FOXK2: variants seen among roughly 807,000 people sequenced by gnomAD.
FOXK2 encodes forkhead box protein K2.
Under a neutral mutation model 53.3 loss-of-function variants are expected in FOXK2, and 24 were observed. The ratio of observed to expected loss-of-function variants is 0.45; its 90% confidence interval spans 0.33 to 0.63. FOXK2 has a LOEUF of 0.63. Ranked by LOEUF, FOXK2 falls within the 30% of genes least tolerant of loss-of-function variation. The pLI, the probability that FOXK2 is intolerant of heterozygous loss-of-function variation, is 0.03. For synonymous variants in FOXK2, 505 were observed against 407.1 expected (o/e 1.24, Z -2.89); for missense variants, 952 against 910.5 (o/e 1.05, Z -0.59).
intron 8 of FOXK2, among the ~76,000 whole-genome samples, chr17:82,595,525 A>G (rs2045301000): frequency 1.3e-5 from 2 of 151,770 alleles, no homozygotes; most frequent in Admixed American, 6.6e-5. Flanking sequence ...CTGGTCTCAA[A>G]CTCCTAGGTT....
intron 1 of FOXK2, among the ~76,000 whole-genome samples, chr17:82,529,037 A>C (rs1359434084): frequency 2.0e-5 from 3 of 152,088 alleles, no homozygotes; most frequent in Non-Finnish European, 2.9e-5. Flanking sequence ...CTTACAACGC[A>C]CAGGACGCAG....
At chr17:82,551,421 A>G (rs998924018) in intron 1 of FOXK2, among the ~76,000 whole-genome samples, 11 of 152,134 alleles carry the variant, frequency 7.2e-5, no homozygotes, top group Admixed American at 2.0e-4. Context: ...CATGCCTGCA[A>G]TCCCAGCACT....
chr17:82,524,269 A>AC (rs2044396068), intron 1 of FOXK2, among the ~76,000 whole-genome samples: 1 of 152,236 alleles, frequency 6.6e-6, no homozygotes, highest in Admixed American at 6.5e-5. Context: ...AAATAATGTA[A>AC]CAACCCGTCG....
intron 1 of FOXK2, among the ~76,000 whole-genome samples, chr17:82,544,828 C>T (rs562763517): frequency 1.3e-5 from 2 of 152,176 alleles, no homozygotes; most frequent in Non-Finnish European, 2.9e-5. Flanking sequence ...GACCTGGCTT[C>T]CGTCCAGCTC....
chr17:82,541,622 CAG>C (rs2044575336), intron 1 of FOXK2, among the ~76,000 whole-genome samples: 1 of 151,976 alleles, frequency 6.6e-6, no homozygotes, highest in Non-Finnish European at 1.5e-5. Flanking sequence ...GTGTGACAAT[CAG>C]ATATGACACT....
In FOXK2 at chr17:82,582,838, C is replaced by T; in HGVS notation, c.1007C>T (p.Pro336Leu). The T allele has an allele frequency of 6.2e-7, 1 of 1,613,576 alleles. No individual in the cohort carries two copies. Among genetic ancestry groups the T allele is most frequent in the Non-Finnish European group, 8.5e-7 (1 of 1,179,920 alleles). ...PGKGSFWRID[P>L]ASESKLIEQA... The stretch of plus-strand genomic sequence containing the variant: ...AAAGGCTCGTTCTGGAGGATAGACC[C>T]AGCCTCTGAAAGCAAATTAATAGAA... Residue 336 changes from proline to leucine, a missense_variant, in exon 5 of 9, where the codon CCA (proline) becomes CTA (leucine). Coordinates refer to ENST00000335255, the MANE Select transcript of FOXK2 (RefSeq NM_004514.4).
rs1555642282 is a variant in FOXK2 at position 82,586,206 on chromosome 17, C to CGG, written c.1576+7_1576+8dup. 4.7e-6 allele frequency: 7 copies of CGG among 1,493,920 alleles called. No homozygotes were observed. The African/African-American group carries it at 6.9e-5, about 15-fold the overall frequency. 92.5% of individuals were successfully genotyped at this position (1,493,920 alleles called of 1,614,324 possible). A position where few individuals can be genotyped will look rare whatever the true frequency, so the allele number is the denominator to read the frequency against. On this transcript the variant is annotated splice_region_variant and intron_variant, in intron 7 of 8. Coordinates refer to ENST00000335255, the MANE Select transcript of FOXK2 (RefSeq NM_004514.4). ...AGACCACAGGGAAGTCAAAGGTAGGCGGAGGGGAAAGGAGGAGAGGGGAGA... is the reference window on the plus strand; with the variant it reads ...AGACCACAGGGAAGTCAAAGGTAGGCGGGGAGGGGAAAGGAGGAGAGGGGAGA...
At chr17:82,520,439 C>T (rs1214119203) in intron 1 of FOXK2, 132 bp downstream of exon 1, 5 of 784,396 alleles carry the variant, frequency 6.4e-6, no homozygotes, top group Admixed American at 4.5e-5. Context: ...GGACCACCAG[C>T]GGGACCCAGG....
rs868828515 is a variant in FOXK2, at chr17:82,561,909, G to A, written c.420-1445G>A. Among the ~76,000 whole-genome samples the A allele has an allele frequency of 6.3e-3, 870 of 138,414 alleles. 9 individuals carry two copies. The highest frequency in any genetic ancestry group is 0.021 in the African/African-American group (831 of 40,446). The allele number at this position is 138,414 out of a possible 152,430, so 90.8% of individuals were successfully genotyped here. ...GTGGACAGAGTCTTCCTCTGTTGGGGGGGGGGGGTGCCCGCACTGGGCGCA... is the reference window on the plus strand; with the variant it reads ...GTGGACAGAGTCTTCCTCTGTTGGGAGGGGGGGGTGCCCGCACTGGGCGCA... On this transcript the variant is annotated intron_variant, in intron 1 of 8. Coordinates refer to ENST00000335255, the MANE Select transcript of FOXK2 (RefSeq NM_004514.4).
chr17:82,565,983 A>G (rs1257332901), intron 2 of FOXK2, among the ~76,000 whole-genome samples: 2 of 151,260 alleles, frequency 1.3e-5, no homozygotes, highest in African/African-American at 4.8e-5. Flanking sequence ...CGTTATGCTC[A>G]GTGAAATAAG....
chr17:82,569,889 G>A (rs1458060178), intron 3 of FOXK2, among the ~76,000 whole-genome samples: 3 of 150,944 alleles, frequency 2.0e-5, no homozygotes, highest in Admixed American at 6.7e-5. Context: ...AATTAGGTAT[G>A]TGGAGGGTCT....
intron 1 of FOXK2, among the ~76,000 whole-genome samples, chr17:82,557,766 A>C (rs2044747470): frequency 1.3e-5 from 2 of 152,326 alleles, no homozygotes; most frequent in East Asian, 3.9e-4. Context: ...CTCCTGCCTC[A>C]GCCTCTGAGT....
intron 8 of FOXK2, chr17:82,596,140 G>A: frequency 9.9e-7 from 1 of 1,010,354 alleles, no homozygotes; most frequent in Non-Finnish European, 1.2e-6. Context: ...GCGATTGCAG[G>A]GAGGAGCATC....
chr17:82,576,599 TG>T, intron 4 of FOXK2: 1 of 968,890 alleles, frequency 1.0e-6, no homozygotes, highest in Non-Finnish European at 1.6e-6. Flanking sequence ...ATTCATTGGC[TG>T]GAGGGAGGAC....
At chr17:82,571,958 A>G in intron 4 of FOXK2, 88 bp downstream of exon 4, 3 of 1,338,140 alleles carry the variant, frequency 2.2e-6, no homozygotes, top group Non-Finnish European at 2.0e-6. Context: ...CAGGCACAGG[A>G]TAGGAAGGTA....
rs916847073 is a variant in FOXK2, at chr17:82,562,965, C to T, written c.420-389C>T. ...GGACCACAGGCATGCACCACCACGC[C>T]TGGCTAATTTTTTGTAGTCTTTGTA... On this transcript the variant is annotated intron_variant, in intron 1 of 8. Coordinates refer to ENST00000335255, the MANE Select transcript of FOXK2 (RefSeq NM_004514.4). 3.9e-5 allele frequency among the ~76,000 whole-genome samples: 6 copies of T among 152,198 alleles called. No individual in the cohort carries two copies. In the East Asian group the frequency reaches 9.7e-4, roughly 25 times the overall value.
At chr17:82,522,041 C>CTT (rs924582731) in intron 1 of FOXK2, among the ~76,000 whole-genome samples, 17,278 of 107,060 alleles carry the variant, frequency 0.16, 1,863 homozygotes, top group South Asian at 0.24. Context: ...TTTAATCTGA[C>CTT]TTTTTTTTTT....
Position 82,586,108 on chromosome 17 carries a change from CTG to C in FOXK2, c.1486_1487del (p.Val496LeufsTer16). On this transcript the variant is annotated frameshift_variant, in exon 7 of 9. Coordinates refer to ENST00000335255, the MANE Select transcript of FOXK2 (RefSeq NM_004514.4). LOFTEE classifies it high-confidence loss of function. Reference sequence around the variant, plus strand: ...GGACTGGCCCCAGCGAACACGTACACTGTCTCTGGACAAGCTGTGGTCACCCC... The same window carrying C: ...GGACTGGCCCCAGCGAACACGTACACTCTCTGGACAAGCTGTGGTCACCCC... 1 of 1,612,724 alleles carries C rather than the reference CTG, an allele frequency of 6.2e-7. No homozygotes were observed. Among genetic ancestry groups the C allele is most frequent in the Non-Finnish European group, 8.5e-7 (1 of 1,179,954 alleles).
intron 1 of FOXK2, among the ~76,000 whole-genome samples, chr17:82,523,257 G>A (rs1347278183): frequency 6.6e-6 from 1 of 152,140 alleles, no homozygotes; most frequent in Non-Finnish European, 1.5e-5. Context: ...CTCTCTACCC[G>A]TACTGAGTAC....
Sources: gnomAD v4.1 joint callset for allele counts (sites outside exome capture counted in the v4.1 genomes callset) on GRCh38, gnomAD v4.1.1 for gene constraint, MANE v1.5 for transcripts, NCBI Gene and HGNC (gene_info 2026-07-23, HGNC 2026-07-21) for gene names.